Variants in PAFAH1B1 observed in about 807,000 individuals in gnomAD.
PAFAH1B1 encodes the protein platelet-activating factor acetylhydrolase IB subunit beta.
A neutral mutation model predicts 57.5 loss-of-function variants in PAFAH1B1; 2 were observed. The observed-to-expected ratio is 0.03, with a 90% CI of 0.01 to 0.11. The LOEUF is 0.11. PAFAH1B1 is among the 10% of genes least tolerant of loss of function. The pLI, the probability that PAFAH1B1 is intolerant of heterozygous loss-of-function variation, is 1.00. For missense variants in PAFAH1B1, 257 were observed against 512.0 expected, an observed-to-expected ratio of 0.50 and a Z score of 4.81; for synonymous variants, 152 against 169.6, an observed-to-expected ratio of 0.90 and a Z score of 0.81.
intron 9 of PAFAH1B1, among the ~76,000 whole-genome samples, chr17:2,677,045 C>T (rs879878768): frequency 1.4e-4 from 21 of 151,814 alleles, no homozygotes; most frequent in Non-Finnish European, 2.5e-4. Context: ...CCCAGCTACT[C>T]GGGAGGCTGA....
At chr17:2,658,551 C>T (rs1284326649) in intron 2 of PAFAH1B1, among the ~76,000 whole-genome samples, 1 of 152,098 alleles carries the variant, frequency 6.6e-6, no homozygotes, top group African/African-American at 2.4e-5. Context: ...GAGGGTATAT[C>T]AGGATGTCAT....
At chr17:2,622,208 C>G (rs1231715227) in intron 1 of PAFAH1B1, among the ~76,000 whole-genome samples, 1 of 152,128 alleles carries the variant, frequency 6.6e-6, no homozygotes, top group East Asian at 1.9e-4. Flanking sequence ...CATGTCCTCC[C>G]TTTCAAAACC....
chr17:2,604,920 T>G (rs987765346), intron 1 of PAFAH1B1, among the ~76,000 whole-genome samples: 2 of 152,212 alleles, frequency 1.3e-5, no homozygotes, highest in African/African-American at 4.8e-5. Context: ...GGTAATAGTT[T>G]GGCAGAGGGG....
intron 2 of PAFAH1B1, among the ~76,000 whole-genome samples, chr17:2,662,852 T>A (rs895190371): frequency 6.6e-6 from 1 of 152,164 alleles, no homozygotes; most frequent in Non-Finnish European, 1.5e-5. Context: ...GGCTAACGCC[T>A]GTAATCCCAA....
intron 1 of PAFAH1B1, among the ~76,000 whole-genome samples, chr17:2,619,716 C>T (rs894940415): frequency 7.2e-5 from 11 of 152,238 alleles, no homozygotes; most frequent in African/African-American, 2.4e-4. Context: ...ACATTTAAGT[C>T]TATTATACAA....
At chr17:2,674,570 T>C (rs1413340754) in intron 8 of PAFAH1B1, among the ~76,000 whole-genome samples, 1 of 152,226 alleles carries the variant, frequency 6.6e-6, no homozygotes, top group East Asian at 1.9e-4. Flanking sequence ...ATCATCTCAA[T>C]GTAAAACAAA....
At chr17:2,630,192 GT>G (rs551407734) in intron 1 of PAFAH1B1, among the ~76,000 whole-genome samples, 150 of 152,152 alleles carry the variant, frequency 9.9e-4, no homozygotes, top group African/African-American at 3.2e-3. Flanking sequence ...TTGAATTTTT[GT>G]TTTGTAGGTC....
chr17:2,668,796 A>C (rs559721267), intron 5 of PAFAH1B1, among the ~76,000 whole-genome samples: 12 of 152,230 alleles, frequency 7.9e-5, no homozygotes, highest in Admixed American at 7.2e-4. Flanking sequence ...TAACATGGTG[A>C]AACCCCGTCT....
chr17:2,626,154 T>C (rs573438538), intron 1 of PAFAH1B1, among the ~76,000 whole-genome samples: 2 of 151,698 alleles, frequency 1.3e-5, no homozygotes, highest in South Asian at 2.1e-4. Context: ...CTCGGGAGGC[T>C]GAGGCAAAAC....
chr17:2,679,707 C>T, intron 9 of PAFAH1B1: 1 of 210,442 alleles, frequency 4.8e-6, no homozygotes, highest in South Asian at 7.3e-5. Context: ...ATATCCTTCA[C>T]TTAGTTACCA....
At chr17:2,643,245 A>G (rs2151638263) in intron 2 of PAFAH1B1, among the ~76,000 whole-genome samples, 1 of 152,184 alleles carries the variant, frequency 6.6e-6, no homozygotes, top group South Asian at 2.1e-4. Flanking sequence ...GGTGCATGCC[A>G]TGCCACCATG....
Position 2,676,372 on chromosome 17 carries a change from C to T in PAFAH1B1, c.901-133C>T, listed in dbSNP as rs189019898. 364 of 665,034 alleles carry T rather than the reference C, an allele frequency of 5.5e-4. 2 individuals are homozygous for T. The highest frequency in any genetic ancestry group is 4.7e-3 in the African/African-American group (261 of 55,492). 41.2% of individuals were successfully genotyped at this position (665,034 alleles called of 1,614,324 possible). ...CAGCCTGGGTGACAGAGCCAGACTCCGTCTGAAAACAAACAAAAAACCAAA... is the reference window on the plus strand; with the variant it reads ...CAGCCTGGGTGACAGAGCCAGACTCTGTCTGAAAACAAACAAAAAACCAAA... On this transcript the variant is annotated intron_variant, in intron 8 of 10. Coordinates refer to ENST00000397195, the MANE Select transcript of PAFAH1B1 (RefSeq NM_000430.4).
chr17:2,593,726 G>A lies in PAFAH1B1; in HGVS notation c.-471G>A, dbSNP rs2068049013. 2.9e-6 allele frequency: 1 copy of A among 350,766 alleles called. No individual in the cohort carries two copies. Among genetic ancestry groups the A allele is most frequent in the African/African-American group, 2.1e-5 (1 of 47,148 alleles). 21.7% of individuals were successfully genotyped at this position (350,766 alleles called of 1,614,324 possible). On this transcript the variant is annotated 5_prime_UTR_variant, in exon 1 of 11. Transcript: ENST00000397195. The stretch of plus-strand genomic sequence containing the variant: ...GAGCGAGTGAGCGAGCGGAGGAGCA[G>A]CGACACGGGAGTCTAGGGAGCGAGA...
At chr17:2,669,595 T>C (rs543978860) in intron 5 of PAFAH1B1, among the ~76,000 whole-genome samples, 1 of 152,346 alleles carries the variant, frequency 6.6e-6, no homozygotes, top group Non-Finnish European at 1.5e-5. Context: ...CATATGCTCT[T>C]GTTCATTTGC....
At chr17:2,604,636 C>T (rs921636363) in intron 1 of PAFAH1B1, among the ~76,000 whole-genome samples, 1 of 152,060 alleles carries the variant, frequency 6.6e-6, no homozygotes, top group African/African-American at 2.4e-5. Flanking sequence ...CATGGTGAAG[C>T]CCTATCTCTA....
chr17:2,598,241 C>G (rs1455931414), intron 1 of PAFAH1B1, among the ~76,000 whole-genome samples: 1 of 152,024 alleles, frequency 6.6e-6, no homozygotes, highest in Non-Finnish European at 1.5e-5. Flanking sequence ...AAGAGCGAAA[C>G]TCCATCTCAA....
At chr17:2,660,270 A>G (rs1451682660) in intron 2 of PAFAH1B1, among the ~76,000 whole-genome samples, 2 of 151,252 alleles carry the variant, frequency 1.3e-5, no homozygotes, top group Admixed American at 1.3e-4. Context: ...TCCGGGATAC[A>G]TGTGCAGAAT....
At position 2,638,442 on chromosome 17, in the gene PAFAH1B1, AT is replaced by A. The variant is rs2068651675; in HGVS notation, c.32+124del. On this transcript the variant is annotated intron_variant, in intron 2 of 10. Transcript: ENST00000397195. ...AAACTATTTTTACCAGTGTTCCAATATTAGTTTAGGCAGTTTGGTCTGATTT... is the reference window on the plus strand; with the variant it reads ...AAACTATTTTTACCAGTGTTCCAATATAGTTTAGGCAGTTTGGTCTGATTT... 3.1e-5 allele frequency: 24 copies of A among 780,842 alleles called. No homozygotes were observed. The South Asian group carries it at 3.6e-4, about 12-fold the overall frequency. 48.4% of individuals were successfully genotyped at this position (780,842 alleles called of 1,614,324 possible). A position where few individuals can be genotyped will look rare whatever the true frequency, so the allele number is the denominator to read the frequency against.
intron 1 of PAFAH1B1, among the ~76,000 whole-genome samples, chr17:2,602,279 A>G (rs377715013): frequency 1.2e-3 from 183 of 152,060 alleles, no homozygotes; most frequent in African/African-American, 4.3e-3. Context: ...GCGAGGGCCT[A>G]TCAATTTGAG....
Sources: allele counts gnomAD v4.1 joint callset (sites outside exome capture counted in the v4.1 genomes callset), GRCh38; gene constraint gnomAD v4.1.1; transcripts MANE v1.5; gene names NCBI Gene and HGNC (gene_info 2026-07-23, HGNC 2026-07-21).